The following RPS6KA2 variants were observed in gnomAD, a reference collection of about 807,000 sequenced individuals.
RPS6KA2 encodes the protein ribosomal protein S6 kinase alpha-2.
RPS6KA2 carries 42 observed loss-of-function variants against 91.8 expected under a neutral mutation model. The observed-to-expected ratio is 0.46, with a 90% CI of 0.36 to 0.59. The LOEUF (loss-of-function observed/expected upper bound fraction) is 0.59, where lower values mean the gene tolerates loss of function less well. RPS6KA2 is among the 20% of genes least tolerant of loss of function. RPS6KA2 has a pLI of 0.00. For synonymous variants in RPS6KA2, 414 were observed against 393.6 expected (o/e 1.05, Z -0.61); for missense variants, 798 against 978.5 (o/e 0.82, Z 2.46).
chr6:166,456,654 CT>C (rs1225083211), intron 12 of RPS6KA2, among the ~76,000 whole-genome samples: 1 of 152,206 alleles, frequency 6.6e-6, no homozygotes, highest in African/African-American at 2.4e-5. Flanking sequence ...GGATTTGTAG[CT>C]TATCCATTGC....
At position 166,767,665 on chromosome 6, in the gene RPS6KA2, C is replaced by A. The variant is rs1218478382; in HGVS notation, c.123+90535G>T. On this transcript the variant is annotated intron_variant, in intron 2 of 21. Transcript: ENST00000503859. This position sits in a 1 kb window ranked among gnomAD's most constrained non-coding sequence, Gnocchi z 4.6. ...CACTGCAGCTCCCTAAGTTGCTTTG[C>A]AAAGGACTGAGTTTGGGTCACCTCA... 6.6e-6 allele frequency among the ~76,000 whole-genome samples: 1 copy of A among 152,142 alleles called. No individual in the cohort carries two copies. Among genetic ancestry groups the A allele is most frequent in the Non-Finnish European group, 1.5e-5 (1 of 68,014 alleles).
exon 1 of RPS6KA2, chr6:166,862,406 G>A: frequency 2.2e-6 from 3 of 1,374,540 alleles, no homozygotes; most frequent in South Asian, 1.5e-5. Context: ...CTCGGGCGCC[G>A]TCCCCTCCCT....
chr6:166,572,888 G>A (rs2128510685), intron 1 of RPS6KA2, among the ~76,000 whole-genome samples: 1 of 152,370 alleles, frequency 6.6e-6, no homozygotes, highest in Non-Finnish European at 1.5e-5. Flanking sequence ...ACCCCTGCCT[G>A]CTGAAGAAGA....
rs956955827 is a variant in RPS6KA2 at position 166,832,847 on chromosome 6, G to A, written c.123+25353C>T. ...TCATAATTAAAGAAACTAAATGTTAGAAAAGAATTGAGCCAAGACTTTAAT... is the reference window on the plus strand; with the variant it reads ...TCATAATTAAAGAAACTAAATGTTAAAAAAGAATTGAGCCAAGACTTTAAT... On this transcript the variant is annotated intron_variant, in intron 2 of 21. Transcript: ENST00000503859. Among the ~76,000 whole-genome samples the A allele has an allele frequency of 5.9e-5, 9 of 152,268 alleles. No homozygotes were observed. In the East Asian group the frequency reaches 1.5e-3, roughly 26 times the overall value.
At chr6:166,525,909 G>A (rs1019516859) in intron 3 of RPS6KA2, among the ~76,000 whole-genome samples, 5 of 152,156 alleles carry the variant, frequency 3.3e-5, no homozygotes, top group African/African-American at 9.7e-5. Flanking sequence ...CTAATGGAAC[G>A]CAGAGGTGTT....
At chr6:166,451,860 A>C (rs1036435899) in intron 12 of RPS6KA2, among the ~76,000 whole-genome samples, 2 of 152,250 alleles carry the variant, frequency 1.3e-5, no homozygotes, top group African/African-American at 4.8e-5. Context: ...GACTGCTGTG[A>C]GATTGATCCC....
At chr6:166,682,340 G>A (rs942754297) in intron 2 of RPS6KA2, among the ~76,000 whole-genome samples, 4 of 152,160 alleles carry the variant, frequency 2.6e-5, no homozygotes, top group South Asian at 4.1e-4. Context: ...TCACTGCTCC[G>A]TGTCTGGCTC....
At chr6:166,588,884 ACTAC>A (rs1785271702) in intron 1 of RPS6KA2, among the ~76,000 whole-genome samples, 3 of 152,144 alleles carry the variant, frequency 2.0e-5, no homozygotes, top group African/African-American at 7.2e-5. Context: ...GCCAGGTGCG[ACTAC>A]CTGTGTTCCA....
chr6:166,580,296 G>A lies in RPS6KA2; in HGVS notation c.100-41512C>T, dbSNP rs566904276. On this transcript the variant is annotated intron_variant, in intron 1 of 20. Transcript: ENST00000265678. ...AACAGGTGTCCACTAAGCCTGGAGCGTAGCCTCAAACCCACTGTGCCAACA... is the reference window on the plus strand; with the variant it reads ...AACAGGTGTCCACTAAGCCTGGAGCATAGCCTCAAACCCACTGTGCCAACA... Among the ~76,000 whole-genome samples the A allele has an allele frequency of 1.7e-3, 260 of 152,326 alleles. 1 individual carries two copies. The highest frequency in any genetic ancestry group is 5.9e-3 in the African/African-American group (244 of 41,574).
At chr6:166,638,294 G>A (rs571698426) in intron 2 of RPS6KA2, among the ~76,000 whole-genome samples, 10 of 152,228 alleles carry the variant, frequency 6.6e-5, no homozygotes, top group South Asian at 4.1e-4. Flanking sequence ...CCAGCCAGCC[G>A]CAGACTCGGC....
intron 2 of RPS6KA2, among the ~76,000 whole-genome samples, chr6:166,725,539 G>A (rs925625422): frequency 1.3e-5 from 2 of 152,228 alleles, no homozygotes; most frequent in African/African-American, 4.8e-5. Flanking sequence ...GGCAGTCAGG[G>A]GGAGCATCCC....
chr6:166,753,630 T>C (rs922082714), intron 2 of RPS6KA2, among the ~76,000 whole-genome samples: 1 of 152,206 alleles, frequency 6.6e-6, no homozygotes, highest in Middle Eastern at 3.2e-3. Flanking sequence ...TAAAGTTAAC[T>C]GTTGTTATTA....
intron 10 of RPS6KA2, among the ~76,000 whole-genome samples, chr6:166,479,805 AT>A (rs1781122887): frequency 6.6e-6 from 1 of 152,150 alleles, no homozygotes; most frequent in Non-Finnish European, 1.5e-5. Context: ...TGTTTGCAGA[AT>A]TTTTCTTTGC....
At chr6:166,599,255 G>C (rs770639312) in intron 1 of RPS6KA2, among the ~76,000 whole-genome samples, 2 of 152,214 alleles carry the variant, frequency 1.3e-5, no homozygotes, top group Admixed American at 1.3e-4. Context: ...AGGAAGCAGT[G>C]ATCAACAATA....
Position 166,437,472 on chromosome 6 carries a change from G to A in RPS6KA2, c.1333-4982C>T, listed in dbSNP as rs1367619520. ...GAGTAGGAGTGGTGTCGTGGGGCGG[G>A]GGACAAGCTCGCTCAGCTTTCTTTT... On this transcript the variant is annotated intron_variant, in intron 14 of 20. Transcript: ENST00000265678. This position sits in a 1 kb window ranked among gnomAD's most constrained non-coding sequence, Gnocchi z 4.3. 1.3e-5 allele frequency among the ~76,000 whole-genome samples: 2 copies of A among 152,178 alleles called. No homozygotes were observed. The highest frequency in any genetic ancestry group is 1.5e-5 in the Non-Finnish European group (1 of 68,032).
chr6:166,743,865 C>T (rs570030917), intron 2 of RPS6KA2, among the ~76,000 whole-genome samples: 80 of 152,072 alleles, frequency 5.3e-4, no homozygotes, highest in Non-Finnish European at 8.7e-4. Flanking sequence ...GGTCAGTGCA[C>T]GGCAGACAGG....
intron 14 of RPS6KA2, among the ~76,000 whole-genome samples, chr6:166,439,022 AATTAT>A (rs1209293454): frequency 9.2e-5 from 14 of 152,260 alleles, no homozygotes; most frequent in African/African-American, 3.4e-4. Context: ...TCTGTTGAAG[AATTAT>A]ATTATAAACC....
intron 2 of RPS6KA2, among the ~76,000 whole-genome samples, chr6:166,857,773 C>T (rs1310651297): frequency 1.3e-5 from 2 of 152,210 alleles, no homozygotes; most frequent in Non-Finnish European, 2.9e-5. Context: ...GGAATCCGCT[C>T]TTCTCCCCAG....
chr6:166,487,246 G>A (rs957968033), intron 10 of RPS6KA2, among the ~76,000 whole-genome samples: 5 of 152,146 alleles, frequency 3.3e-5, no homozygotes, highest in African/African-American at 7.2e-5. Flanking sequence ...ACACACCCAC[G>A]TGCCCTGGGC....
Sources: allele counts gnomAD v4.1 joint callset (sites outside exome capture counted in the v4.1 genomes callset), GRCh38; gene constraint gnomAD v4.1.1; non-coding constraint Gnocchi (gnomAD v3.1); transcripts MANE v1.5; gene names NCBI Gene and HGNC (gene_info 2026-07-23, HGNC 2026-07-21).